The following CPE variants were observed in gnomAD, a reference collection of about 807,000 sequenced individuals.
The protein encoded by CPE is carbocypeptidase E.
In CPE, 17 loss-of-function variants were observed where a neutral mutation model predicts 53.5. That is an observed-to-expected ratio of 0.32 (90% confidence interval 0.22 to 0.48). CPE has a LOEUF of 0.48. Ranked by LOEUF, CPE falls within the 20% of genes least tolerant of loss-of-function variation. The probability of loss-of-function intolerance (pLI) is 0.99; values close to 1 mark genes in which losing one functional copy is unlikely to be tolerated. For synonymous variants in CPE, 226 were observed against 228.8 expected, an observed-to-expected ratio of 0.99 and a Z score of 0.11; for missense variants, 524 against 614.7, an observed-to-expected ratio of 0.85 and a Z score of 1.56.
intron 1 of CPE, among the ~76,000 whole-genome samples, chr4:165,438,422 G>A (rs1409617487): frequency 4.6e-5 from 7 of 152,064 alleles, no homozygotes; most frequent in Admixed American, 4.6e-4. Flanking sequence ...GGAAAGAGTA[G>A]GGGAAACAAT....
At chr4:165,383,741 A>G (rs1263281104) in intron 1 of CPE, among the ~76,000 whole-genome samples, 1 of 152,192 alleles carries the variant, frequency 6.6e-6, no homozygotes, top group Non-Finnish European at 1.5e-5. Flanking sequence ...ATAAGTGGGG[A>G]TTTTTATTAT....
chr4:165,443,123 A>G (rs529805323), intron 1 of CPE, among the ~76,000 whole-genome samples: 6 of 152,292 alleles, frequency 3.9e-5, no homozygotes, highest in African/African-American at 1.4e-4. Flanking sequence ...GGTTTGGATC[A>G]TTTTTGAGGG....
At chr4:165,422,320 AAT>A (rs1731238113) in intron 1 of CPE, among the ~76,000 whole-genome samples, 2 of 150,760 alleles carry the variant, frequency 1.3e-5, no homozygotes, top group African/African-American at 4.9e-5. Flanking sequence ...TTATTTTTTA[AAT>A]ATATTTTAAT....
At chr4:165,418,279 A>C (rs920800795) in intron 1 of CPE, 5 of 152,242 alleles carry the variant, frequency 3.3e-5, no homozygotes, top group African/African-American at 1.2e-4. Flanking sequence ...AAAATACAGA[A>C]GGCCAGAAGG....
chr4:165,452,407 TTATA>T (rs1312923434), intron 1 of CPE, among the ~76,000 whole-genome samples: 2 of 152,108 alleles, frequency 1.3e-5, no homozygotes, highest in African/African-American at 4.8e-5. Flanking sequence ...GTATGTATAA[TTATA>T]TATTTATGTA....
intron 3 of CPE, among the ~76,000 whole-genome samples, chr4:165,479,230 T>C (rs1035749164): frequency 1.1e-4 from 17 of 152,150 alleles, no homozygotes; most frequent in Non-Finnish European, 2.1e-4. Flanking sequence ...CATTATAGAG[T>C]ATTTTGATTT....
chr4:165,390,944 G>A (rs1422138049), intron 1 of CPE, among the ~76,000 whole-genome samples: 3 of 152,112 alleles, frequency 2.0e-5, no homozygotes, highest in Non-Finnish European at 2.9e-5. Context: ...ATTGTTTCGA[G>A]ACTTCTGAGT....
rs1730862209 is a variant in CPE, at chr4:165,401,192, G to A, written c.307+21664G>A. Among the ~76,000 whole-genome samples, 3 of 152,240 alleles carry A rather than the reference G, an allele frequency of 2.0e-5. No individual in the cohort carries two copies. In the South Asian group the frequency reaches 6.2e-4, roughly 32 times the overall value. Reference sequence around the variant, plus strand: ...TGCGGCCTTCTCTTCTGTACACCCTGTAAGTGGTGCCATTGCTTAGAGTTC... The same window carrying A: ...TGCGGCCTTCTCTTCTGTACACCCTATAAGTGGTGCCATTGCTTAGAGTTC... On this transcript the variant is annotated intron_variant, in intron 1 of 8. Transcript: ENST00000402744.
At chr4:165,427,289 T>C (rs1344104615) in intron 1 of CPE, among the ~76,000 whole-genome samples, 2 of 152,204 alleles carry the variant, frequency 1.3e-5, no homozygotes, top group African/African-American at 4.8e-5. Context: ...GGCTGCCTGA[T>C]CAGTTTCTTC....
chr4:165,462,050 G>A (rs966849280), intron 1 of CPE, among the ~76,000 whole-genome samples: 3 of 152,056 alleles, frequency 2.0e-5, no homozygotes, highest in Non-Finnish European at 2.9e-5. Context: ...TGTTACTACC[G>A]CCTCACAAAT....
intron 3 of CPE, among the ~76,000 whole-genome samples, 184 bp from the exon 4 acceptor site, chr4:165,482,058 A>C (rs997468661): frequency 6.6e-6 from 1 of 152,250 alleles, no homozygotes; most frequent in Non-Finnish European, 1.5e-5. Flanking sequence ...AAAATCTGAG[A>C]AAGTTAGACA....
chr4:165,459,674 T>TTGGG (rs1553976460), intron 1 of CPE, among the ~76,000 whole-genome samples: 2 of 56,660 alleles, frequency 3.5e-5, no homozygotes, highest in Admixed American at 1.7e-4. Context: ...GAGGGCTGGG[T>TTGGG]GGGGGGGGGC....
At chr4:165,484,750 G>C in intron 5 of CPE, 146 bp downstream of exon 5, 1 of 803,252 alleles carries the variant, frequency 1.2e-6, no homozygotes, top group Non-Finnish European at 1.9e-6. Flanking sequence ...TTCCATTAAA[G>C]TCAACTTTTT....
At chr4:165,461,818 A>C (rs1209598301) in intron 1 of CPE, among the ~76,000 whole-genome samples, 2 of 152,190 alleles carry the variant, frequency 1.3e-5, no homozygotes, top group Non-Finnish European at 2.9e-5. Context: ...CTCACAAGTC[A>C]TGTTAGTTGG....
chr4:165,421,412 C>A (rs1337452743), intron 1 of CPE, among the ~76,000 whole-genome samples: 1 of 152,214 alleles, frequency 6.6e-6, no homozygotes, highest in Non-Finnish European at 1.5e-5. Context: ...TAACCTCTGC[C>A]TCTATTCCAC....
chr4:165,380,237 C>T (rs1020722002), intron 1 of CPE, among the ~76,000 whole-genome samples: 2 of 152,078 alleles, frequency 1.3e-5, no homozygotes, highest in African/African-American at 4.8e-5. Flanking sequence ...ACTTTTGAAA[C>T]CAGATTTTGA....
intron 1 of CPE, among the ~76,000 whole-genome samples, chr4:165,445,520 A>C (rs1231774571): frequency 2.0e-5 from 3 of 152,220 alleles, no homozygotes; most frequent in Non-Finnish European, 4.4e-5. Context: ...TTTAAAAATA[A>C]TGGCAATAAC....
intron 1 of CPE, chr4:165,381,466 C>T (rs1579235507): frequency 2.8e-6 from 1 of 358,076 alleles, no homozygotes. Flanking sequence ...TTTTATTCTT[C>T]ATACATTCAA....
chr4:165,481,184 G>C (rs57612362), intron 3 of CPE, among the ~76,000 whole-genome samples: 45,814 of 151,934 alleles, frequency 0.3, 7,946 homozygotes, highest in Non-Finnish European at 0.39. Context: ...GTGAGCCTTA[G>C]GGTTTCACTG....
Sources: gnomAD v4.1 joint callset for allele counts (sites outside exome capture counted in the v4.1 genomes callset) on GRCh38, gnomAD v4.1.1 for gene constraint, MANE v1.5 for transcripts, NCBI Gene and HGNC (gene_info 2026-07-23, HGNC 2026-07-21) for gene names.